Variants in LINGO2 observed in about 807,000 individuals in gnomAD.
The protein encoded by LINGO2 is leucine-rich repeat and immunoglobulin-like domain-containing nogo receptor-interacting protein 2.
Under a neutral mutation model 30.6 loss-of-function variants are expected in LINGO2, and 14 were observed. The observed-to-expected ratio is 0.46, with a 90% CI of 0.30 to 0.72. The LOEUF is 0.72. Among genes scored for constraint, LINGO2 ranks in the 30% least tolerant of loss-of-function variants. The pLI is 0.07. For missense variants in LINGO2, 729 were observed against 751.7 expected (o/e 0.97, Z 0.35); for synonymous variants, 317 against 288.5 (o/e 1.10, Z -1.00).
At chr9:28,591,101 T>A (rs1052355867) in intron 1 of LINGO2, among the ~76,000 whole-genome samples, 1 of 150,470 alleles carries the variant, frequency 6.6e-6, no homozygotes, top group African/African-American at 2.5e-5. Flanking sequence ...AGGTGGGAAT[T>A]GAACAATGAG....
chr9:28,508,399 C>T (rs763683970), intron 1 of LINGO2, among the ~76,000 whole-genome samples: 1 of 152,052 alleles, frequency 6.6e-6, no homozygotes, highest in African/African-American at 2.4e-5. Flanking sequence ...CACCTTTAGG[C>T]ATGCACTAAA....
the LINGO2 span, among the ~76,000 whole-genome samples, chr9:28,959,081 G>A: frequency 0.52 from 78,931 of 151,832 alleles, 21,630 homozygotes; most frequent in Non-Finnish European, 0.61. Context: ...ATGTGTAAGT[G>A]CCTGTCACCC....
intron 1 of LINGO2, among the ~76,000 whole-genome samples, chr9:28,597,680 G>C (rs1281302806): frequency 6.6e-6 from 1 of 152,192 alleles, no homozygotes; most frequent in African/African-American, 2.4e-5. Flanking sequence ...TAGAAGTACA[G>C]CTTCCATGAA....
intron 4 of LINGO2, among the ~76,000 whole-genome samples, chr9:28,268,808 G>A (rs11791753): frequency 0.035 from 5,276 of 152,122 alleles, 119 homozygotes; most frequent in Middle Eastern, 0.082. Context: ...ACAGTACACC[G>A]CAGTATTTGG....
chr9:28,957,430 G>A, the LINGO2 span, among the ~76,000 whole-genome samples: 1 of 152,170 alleles, frequency 6.6e-6, no homozygotes, highest in East Asian at 1.9e-4. Flanking sequence ...TTATCTGCCT[G>A]AAGTAAGCAT....
At position 28,567,348 on chromosome 9, in the gene LINGO2, T is replaced by A. The variant is rs370608416; in HGVS notation, c.-364-91323A>T. Among the ~76,000 whole-genome samples, 30 of 152,248 alleles carry A rather than the reference T, an allele frequency of 2.0e-4. 1 individual carries two copies. Among genetic ancestry groups the A allele is most frequent in the Middle Eastern group, 3.4e-3 (1 of 294 alleles). On this transcript the variant is annotated intron_variant, in intron 1 of 5. Transcript: ENST00000379992. The stretch of plus-strand genomic sequence containing the variant: ...TCAAAAAGACACCTAGCACTCAATA[T>A]GTTTATCATAGCACTAGTCACATTA...
chr9:28,624,120 C>T (rs1826540664), intron 1 of LINGO2, among the ~76,000 whole-genome samples: 1 of 152,008 alleles, frequency 6.6e-6, no homozygotes, highest in Admixed American at 6.6e-5. Flanking sequence ...TATCTACAAA[C>T]AAGGATAATT....
the LINGO2 span, among the ~76,000 whole-genome samples, chr9:29,163,501 T>C: frequency 1.3e-5 from 2 of 152,224 alleles, no homozygotes; most frequent in South Asian, 4.1e-4. Flanking sequence ...ATGCTCATGA[T>C]TGATTCTCAT....
the LINGO2 span, among the ~76,000 whole-genome samples, chr9:28,927,358 C>T: frequency 6.6e-6 from 1 of 152,146 alleles, no homozygotes; most frequent in African/African-American, 2.4e-5. Context: ...CAAAGACTCT[C>T]CCAATGAGCT....
At chr9:28,375,789 A>G (rs954417179) in intron 2 of LINGO2, among the ~76,000 whole-genome samples, 5 of 152,168 alleles carry the variant, frequency 3.3e-5, no homozygotes, top group African/African-American at 1.2e-4. Flanking sequence ...CCTGTTCACA[A>G]AAGTTTAGGC....
intron 3 of LINGO2, among the ~76,000 whole-genome samples, chr9:28,330,954 C>T (rs749804533): frequency 6.6e-6 from 1 of 152,076 alleles, no homozygotes; most frequent in Non-Finnish European, 1.5e-5. Flanking sequence ...GATACTGTTG[C>T]TATTTCTAAC....
At chr9:29,040,562 C>CT in the LINGO2 span, among the ~76,000 whole-genome samples, 2 of 144,034 alleles carry the variant, frequency 1.4e-5, no homozygotes, top group East Asian at 4.0e-4. Flanking sequence ...CTAGACGCCT[C>CT]TTTAAAAAAA....
intron 4 of LINGO2, among the ~76,000 whole-genome samples, chr9:28,027,610 G>C (rs958432754): frequency 6.6e-6 from 1 of 152,272 alleles, no homozygotes; most frequent in Middle Eastern, 3.4e-3. Flanking sequence ...TCTTAGTAAT[G>C]TGACCTTGGG....
the LINGO2 span, among the ~76,000 whole-genome samples, chr9:28,838,564 C>T: frequency 2.6e-5 from 4 of 152,106 alleles, no homozygotes; most frequent in African/African-American, 9.7e-5. Flanking sequence ...TCAGCAAATT[C>T]AGTCTTTATC....
At chr9:28,093,921 G>A (rs1439815557) in intron 4 of LINGO2, among the ~76,000 whole-genome samples, 1 of 151,988 alleles carries the variant, frequency 6.6e-6, no homozygotes, top group Non-Finnish European at 1.5e-5. Flanking sequence ...TTAGGAGATT[G>A]TAGTGAAGGT....
chr9:28,359,981 A>T (rs3842979), intron 3 of LINGO2, among the ~76,000 whole-genome samples: 1 of 151,912 alleles, frequency 6.6e-6, no homozygotes, highest in African/African-American at 2.4e-5. Context: ...CTACTCATGT[A>T]GATTGAGGTT....
intron 4 of LINGO2, among the ~76,000 whole-genome samples, chr9:28,087,169 G>C (rs1415552647): frequency 1.3e-5 from 2 of 152,148 alleles, no homozygotes; most frequent in South Asian, 2.1e-4. Flanking sequence ...TAGTCCACTT[G>C]CCAGCTGACT....
chr9:27,977,872 A>G (rs1397270303), intron 5 of LINGO2, among the ~76,000 whole-genome samples: 2 of 152,010 alleles, frequency 1.3e-5, no homozygotes, highest in Admixed American at 6.6e-5. Flanking sequence ...TAGGAAAGAA[A>G]TAGATCTCAT....
At chr9:28,327,756 T>C (rs1255126795) in intron 3 of LINGO2, among the ~76,000 whole-genome samples, 2 of 152,204 alleles carry the variant, frequency 1.3e-5, no homozygotes, top group African/African-American at 4.8e-5. Flanking sequence ...TGATAAAATA[T>C]ACTGGCAGCT....
Sources: allele counts gnomAD v4.1 joint callset (sites outside exome capture counted in the v4.1 genomes callset), GRCh38; gene constraint gnomAD v4.1.1; transcripts MANE v1.5; gene names NCBI Gene and HGNC (gene_info 2026-07-23, HGNC 2026-07-21).